EML5: variants seen among roughly 807,000 people sequenced by gnomAD.
EML5 encodes the protein echinoderm microtubule-associated protein-like 5.
EML5 carries 120 observed loss-of-function variants against 250.0 expected under a neutral mutation model. The observed-to-expected ratio is 0.48, with a 90% CI of 0.41 to 0.56. The LOEUF (loss-of-function observed/expected upper bound fraction) is 0.56, where lower values mean the gene tolerates loss of function less well. Among genes scored for constraint, EML5 ranks in the 20% least tolerant of loss-of-function variants. The pLI is 0.00. For missense variants in EML5, 2,006 were observed against 2,437.6 expected, an observed-to-expected ratio of 0.82 and a Z score of 3.73; for synonymous variants, 771 against 806.5, an observed-to-expected ratio of 0.96 and a Z score of 0.75.
chr14:88,627,947 A>T, intron 33 of EML5, 128 bp from the exon 34 acceptor site: 1 of 896,896 alleles, frequency 1.1e-6, no homozygotes, highest in Non-Finnish European at 1.8e-6. Flanking sequence ...CTTAACAAAG[A>T]ACAGCTCAAA....
chr14:88,766,920 C>T (rs544474467), intron 1 of EML5, among the ~76,000 whole-genome samples: 40 of 152,188 alleles, frequency 2.6e-4, no homozygotes, highest in African/African-American at 5.8e-4. Context: ...TGGTTTCCCC[C>T]GATAGCACAC....
chr14:88,647,059 C>A, intron 28 of EML5, 104 bp from the exon 29 acceptor site: 1 of 1,107,744 alleles, frequency 9.0e-7, no homozygotes, highest in Admixed American at 2.3e-5. Context: ...AAGTTTAATG[C>A]AGACAGCTAT....
intron 17 of EML5, among the ~76,000 whole-genome samples, chr14:88,691,256 C>T (rs544304915): frequency 1.6e-4 from 25 of 152,268 alleles, no homozygotes; most frequent in Admixed American, 1.6e-3. Flanking sequence ...CAAAACCTGC[C>T]AGACCCATTC....
At position 88,616,807 on chromosome 14, in the gene EML5, T is replaced by A; in HGVS notation, c.5715A>T (p.Val1905=). ...TAACAAGACTGATTCCTGAATGAGA[T>A]ACACAGGCACAGTTGACATCAGCTT... is the stretch of plus-strand genomic sequence containing the variant. ...AEKADVNCAC[V]SHSGISLVTG... is the part of the protein sequence containing the mutation. Residue 1905 remains valine, a synonymous_variant, in exon 42 of 44, where the codon GTA becomes GTT. Transcript: ENST00000554922. 1 of 1,613,916 alleles carries A rather than the reference T, an allele frequency of 6.2e-7. No individual in the cohort carries two copies. The highest frequency in any genetic ancestry group is 1.3e-5 in the African/African-American group (1 of 75,054).
intron 23 of EML5, among the ~76,000 whole-genome samples, chr14:88,663,336 A>G: frequency 6.6e-6 from 1 of 152,336 alleles, no homozygotes; most frequent in South Asian, 2.1e-4. Context: ...ATGTATATAC[A>G]TAAAAATGAT....
intron 2 of EML5, among the ~76,000 whole-genome samples, chr14:88,751,276 A>T (rs1344932371): frequency 6.6e-6 from 1 of 152,226 alleles, no homozygotes; most frequent in Non-Finnish European, 1.5e-5. Context: ...GGTGAGAAAG[A>T]GAATAAAGTT....
At position 88,706,172 on chromosome 14, in the gene EML5, G is replaced by C. The variant is rs889309362; in HGVS notation, c.1825+87C>G. 4 of 1,283,032 alleles carry C rather than the reference G, an allele frequency of 3.1e-6. No homozygotes were observed. In the Admixed American group the frequency reaches 1.0e-4, roughly 33 times the overall value. The allele number at this position is 1,283,032 out of a possible 1,614,324, so 79.5% of individuals were successfully genotyped here. A position where few individuals can be genotyped will look rare whatever the true frequency, so the allele number is the denominator to read the frequency against. On this transcript the variant is annotated intron_variant, in intron 11 of 43. Coordinates refer to ENST00000554922, the MANE Select transcript of EML5 (RefSeq NM_183387.3). ...ACTACACTGTTAACTTATGAGGCCA[G>C]ATTATACTTTAATATAAAATTGTTA...
At chr14:88,695,475 A>G (rs1449550725) in intron 15 of EML5, 21 bp from the exon 16 acceptor site, 1 of 1,589,724 alleles carries the variant, frequency 6.3e-7, no homozygotes, top group East Asian at 2.2e-5. Flanking sequence ...TTAATGAGAG[A>G]GATAAACTGA....
chr14:88,789,062 C>A (rs2094579936), intron 1 of EML5, among the ~76,000 whole-genome samples: 1 of 150,336 alleles, frequency 6.7e-6, no homozygotes, highest in African/African-American at 2.5e-5. Context: ...AAGGGCCTGT[C>A]TCAGTTTAAA....
chr14:88,723,728 T>G (rs959345031), intron 8 of EML5, among the ~76,000 whole-genome samples: 2 of 152,186 alleles, frequency 1.3e-5, no homozygotes, highest in Non-Finnish European at 2.9e-5. Context: ...CAGTTTTTAT[T>G]TGTCAATCAT....
chr14:88,626,478 C>A, intron 35 of EML5: 1 of 194,194 alleles, frequency 5.1e-6, no homozygotes, highest in South Asian at 1.1e-4. Flanking sequence ...GAAAAATTAG[C>A]CTAGCATGGT....
At chr14:88,650,044 A>G in intron 27 of EML5, 118 bp from the exon 28 acceptor site, 1 of 620,638 alleles carries the variant, frequency 1.6e-6, no homozygotes, top group Non-Finnish European at 2.5e-6. Context: ...TTAAGGAAAT[A>G]CAAAAATGTC....
At chr14:88,656,485 G>A (rs2091874494) in intron 27 of EML5, among the ~76,000 whole-genome samples, 1 of 152,062 alleles carries the variant, frequency 6.6e-6, no homozygotes, top group African/African-American at 2.4e-5. Flanking sequence ...GGAGCTAGGG[G>A]AGGGATAGCA....
chr14:88,643,916 T>C (rs1256757253), intron 30 of EML5, among the ~76,000 whole-genome samples: 2 of 152,194 alleles, frequency 1.3e-5, no homozygotes, highest in African/African-American at 4.8e-5. Flanking sequence ...CAGAGTTTGG[T>C]TGTTCGCTAC....
In EML5 at chr14:88,738,947, C is replaced by T. The variant is rs375366195; in HGVS notation, c.779G>A (p.Arg260His). Residue 260 changes from arginine to histidine, a missense_variant, in exon 6 of 44, where the codon CGT becomes CAT. Physicochemically the swap from Arg to His is conservative, Grantham distance 29 (BLOSUM62 0). This residue lies in a region of EML5 where 1,375 missense variants were observed against 1,590.3 expected (regional missense o/e 0.86). Coordinates refer to ENST00000554922, the MANE Select transcript of EML5 (RefSeq NM_183387.3). The part of the protein sequence containing the change: ...FATGGRDGCI[R>H]LWDLTFKPIT... ...TGGTTTAAAAGTTAAATCCCAAAGA[C>T]GAATACAACCATCTCTGCCACCAGT... 32 of 1,605,726 alleles carry T rather than the reference C, an allele frequency of 2.0e-5. No homozygotes were observed. Among genetic ancestry groups the T allele is most frequent in the Admixed American group, 3.4e-5 (2 of 59,068 alleles).
chr14:88,658,286 C>T lies in EML5; in HGVS notation c.3778G>A (p.Asp1260Asn). 6.2e-7 allele frequency: 1 copy of T among 1,613,868 alleles called. No individual in the cohort carries two copies. Among genetic ancestry groups the T allele is most frequent in the South Asian group, 1.1e-5 (1 of 91,082 alleles). The change falls in exon 26 of 44, where the codon GAT (aspartate) becomes AAT (asparagine). Residue 1260 changes from aspartate (D) to asparagine (N), a missense_variant. Asp to Asn is a conservative substitution (Grantham distance 23, BLOSUM62 1). This residue lies in a region of EML5 where 1,375 missense variants were observed against 1,590.3 expected (regional missense o/e 0.86). Coordinates refer to ENST00000554922, the MANE Select transcript of EML5 (RefSeq NM_183387.3). ...DSMLVTLGGT[D>N]MSLMVWTNEM... ...TTTGTCCACACCATTAAAGACATAT[C>T]TGTACCGCCTAGGGTAACCAACATG...
Position 88,792,593 on chromosome 14 carries a change from G to A in EML5, c.-90C>T. 8.4e-7 allele frequency: 1 copy of A among 1,190,162 alleles called. No homozygotes were observed. Among genetic ancestry groups the A allele is most frequent in the South Asian group, 4.1e-5 (1 of 24,210 alleles). 73.7% of individuals were successfully genotyped at this position (1,190,162 alleles called of 1,614,324 possible). On this transcript the variant is annotated 5_prime_UTR_variant, in exon 1 of 44. Coordinates refer to ENST00000554922, the MANE Select transcript of EML5 (RefSeq NM_183387.3). The surrounding 1 kb of genome is among the most constrained non-coding windows in gnomAD (Gnocchi z 6.9). ...GGCAACGAAAGCCCTCCCGCTGGCT[G>A]CCGGGACTTCCCGCCAGCCGCGTCC...
chr14:88,773,175 C>T (rs532830609), intron 1 of EML5, among the ~76,000 whole-genome samples: 1 of 152,202 alleles, frequency 6.6e-6, no homozygotes, highest in Admixed American at 6.5e-5. Context: ...CTGAAATCAT[C>T]ACCTGAGGCA....
chr14:88,726,708 G>C, intron 7 of EML5, 30 bp from the exon 8 acceptor site: 2 of 1,484,816 alleles, frequency 1.3e-6, no homozygotes, highest in South Asian at 1.4e-5. Context: ...AAATAAAAAA[G>C]GTTAGCTAAT....
Sources: allele counts gnomAD v4.1 joint callset (sites outside exome capture counted in the v4.1 genomes callset), GRCh38; gene constraint gnomAD v4.1.1; regional missense constraint gnomAD v4.1.1; non-coding constraint Gnocchi (gnomAD v3.1); transcripts MANE v1.5; gene names NCBI Gene and HGNC (gene_info 2026-07-23, HGNC 2026-07-21).